The following BMX variants were observed in gnomAD, a reference collection of about 807,000 sequenced individuals.
BMX encodes BMX non-receptor tyrosine kinase.
A neutral mutation model predicts 59.2 loss-of-function variants in BMX; 31 were observed. The ratio of observed to expected loss-of-function variants is 0.52; its 90% CI spans 0.39 to 0.71. BMX has a LOEUF of 0.71. BMX is among the 30% of genes least tolerant of loss of function. BMX has a pLI of 0.00. For synonymous variants in BMX, 185 were observed against 181.0 expected (o/e 1.02, Z -0.18); for missense variants, 474 against 491.7 (o/e 0.96, Z 0.34).
chrX:15,553,002 T>C (rs1322201034), intron 18 of BMX, among the ~76,000 whole-genome samples: 2 of 112,327 alleles, frequency 1.8e-5, no homozygotes, highest in African/African-American at 6.5e-5. Flanking sequence ...ATTTCCGTAT[T>C]CAGACAGGAA....
At chrX:15,526,760 AT>A (rs1488532022) in intron 9 of BMX, among the ~76,000 whole-genome samples, 1 of 108,865 alleles carries the variant, frequency 9.2e-6, no homozygotes, top group African/African-American at 3.4e-5. Flanking sequence ...TAATTTTTGT[AT>A]TTTTAGTAGA....
chrX:15,521,357 A>AT (rs1349875298), intron 6 of BMX, among the ~76,000 whole-genome samples: 1 of 111,962 alleles, frequency 8.9e-6, no homozygotes, highest in Non-Finnish European at 1.9e-5. Flanking sequence ...AGATTCGCTT[A>AT]TTTTTTTAGT....
At chrX:15,551,117 G>C (rs143612019) in intron 18 of BMX, among the ~76,000 whole-genome samples, 2,021 of 111,600 alleles carry the variant, frequency 0.018, 45 homozygotes, top group African/African-American at 0.062. Flanking sequence ...TGAGAGTTTT[G>C]GTTTTTGTAG....
In BMX at chrX:15,542,029, A is replaced by C. The variant is rs1925713367; in HGVS notation, c.1442A>C (p.Lys481Thr). ...KLVKFYGVCS[K>T]EYPIYIVTEY... ...GTTAAATTCTATGGAGTGTGTTCAA[A>C]GGAATACCCCATATACATAGTGACT... is the stretch of plus-strand genomic sequence containing the variant. The change falls in exon 15 of 19, where the codon AAG becomes ACG. Residue 481 changes from lysine to threonine, a missense_variant. By Grantham distance (78) the Lys-to-Thr change is moderately conservative (BLOSUM62 -1). Transcript: ENST00000348343. 2 of 1,210,933 alleles carry C rather than the reference A, an allele frequency of 1.7e-6. No homozygotes were observed. The highest frequency in any genetic ancestry group is 5.9e-5 in the East Asian group (2 of 33,842).
At chrX:15,536,504 A>G in intron 13 of BMX, 77 bp downstream of exon 13, 1 of 171,285 alleles carries the variant, frequency 5.8e-6, no homozygotes, top group Non-Finnish European at 7.3e-6. Context: ...TTTACTGGCA[A>G]AAAAAAAAAA....
At chrX:15,527,419 A>G (rs1426917383) in intron 9 of BMX, among the ~76,000 whole-genome samples, 1 of 108,494 alleles carries the variant, frequency 9.2e-6, no homozygotes, top group African/African-American at 3.4e-5. Flanking sequence ...CTATACTGAG[A>G]AGGTTGGCCT....
chrX:15,517,642 C>G (rs1924223722), intron 5 of BMX, among the ~76,000 whole-genome samples: 1 of 112,468 alleles, frequency 8.9e-6, no homozygotes. Flanking sequence ...TTCTGCTGAG[C>G]TACTGGGAAG....
In BMX at chrX:15,529,955, A is replaced by C; in HGVS notation, c.885-18A>C. 8.3e-7 allele frequency: 1 copy of C among 1,198,414 alleles called. No homozygotes were observed. Among genetic ancestry groups the C allele is most frequent in the Non-Finnish European group, 1.1e-6 (1 of 884,117 alleles). ...TAAAACTTATTGATTCTCACATATA[A>C]TTTTTTTCCTTTTGCAGCTGGTTTG... On this transcript the variant is annotated intron_variant, in intron 9 of 18. Transcript: ENST00000348343.
chrX:15,543,241 G>T, intron 16 of BMX, 106 bp downstream of exon 16: 1 of 755,246 alleles, frequency 1.3e-6, no homozygotes, highest in Non-Finnish European at 1.9e-6. Context: ...GCTCTGAATT[G>T]GGGGCTTAGA....
rs369286693 is a variant in BMX at position 15,539,310 on chromosome X, C to T, written c.1394+2005C>T. On this transcript the variant is annotated intron_variant, in intron 14 of 18. Transcript: ENST00000348343. ...AACATCACCTAATCATAAAGAAAAA[C>T]GTCAAACTGTGCCACAATGGGAAAA... is the stretch of plus-strand genomic sequence containing the variant. Among the ~76,000 whole-genome samples, 7 of 111,742 alleles carry T rather than the reference C, an allele frequency of 6.3e-5. No individual in the cohort carries two copies. The East Asian group carries it at 1.1e-3, about 18-fold the overall frequency.
chrX:15,505,775 T>C (rs1388452776), intron 1 of BMX, among the ~76,000 whole-genome samples: 1 of 111,606 alleles, frequency 9.0e-6, no homozygotes, highest in African/African-American at 3.3e-5. Flanking sequence ...TTTTACTCAA[T>C]GTTCTTCCTT....
At chrX:15,527,283 T>TATACATATAC (rs1285065649) in intron 9 of BMX, among the ~76,000 whole-genome samples, 1 of 65,867 alleles carries the variant, frequency 1.5e-5, no homozygotes, top group Non-Finnish European at 2.7e-5. Context: ...TATATATATA[T>TATACATATAC]ACACACACAC....
At chrX:15,518,674 G>T (rs1924284124) in intron 6 of BMX, among the ~76,000 whole-genome samples, 1 of 111,202 alleles carries the variant, frequency 9.0e-6, no homozygotes, top group Non-Finnish European at 1.9e-5. Flanking sequence ...GCATGCTTTT[G>T]GGGAGGGATT....
chrX:15,541,877 TG>T (rs1191204525), intron 14 of BMX, 104 bp from the exon 15 acceptor site: 3 of 688,781 alleles, frequency 4.4e-6, no homozygotes, highest in African/African-American at 2.2e-5. Flanking sequence ...TGAAAGAGGG[TG>T]GGGGTGGGAA....
chrX:15,507,547 CT>C, intron 1 of BMX: 1 of 161,567 alleles, frequency 6.2e-6, no homozygotes, highest in Non-Finnish European at 1.0e-5. Flanking sequence ...AACATTGCTA[CT>C]TTTCATGATC....
intron 3 of BMX, among the ~76,000 whole-genome samples, chrX:15,511,224 C>T (rs774763335): frequency 1.7e-4 from 19 of 111,945 alleles, no homozygotes; most frequent in Admixed American, 9.5e-5. Flanking sequence ...GGTACATCAT[C>T]GCTGTAATTT....
chrX:15,554,269 T>G (rs903195324), intron 18 of BMX, among the ~76,000 whole-genome samples: 2 of 112,100 alleles, frequency 1.8e-5, no homozygotes, highest in Admixed American at 9.5e-5. Flanking sequence ...ACCAATGGAG[T>G]GCATTGTCAA....
chrX:15,511,394 T>C (rs1488253501), intron 3 of BMX, 43 bp from the exon 4 acceptor site: 34 of 1,092,474 alleles, frequency 3.1e-5, no homozygotes, highest in Non-Finnish European at 4.2e-5. Flanking sequence ...AAGTGAAGTA[T>C]GGTGCAATTA....
intron 9 of BMX, among the ~76,000 whole-genome samples, chrX:15,527,978 A>T (rs1924877639): frequency 8.9e-6 from 1 of 112,848 alleles, no homozygotes; most frequent in African/African-American, 3.2e-5. Flanking sequence ...AATGGGAGTG[A>T]ACCTCTAATT....
Sources: allele counts gnomAD v4.1 joint callset (sites outside exome capture counted in the v4.1 genomes callset), GRCh38; gene constraint gnomAD v4.1.1; transcripts MANE v1.5; gene names NCBI Gene and HGNC (gene_info 2026-07-23, HGNC 2026-07-21).